Variants in IL36B observed in about 807,000 individuals in gnomAD.
IL36B encodes the protein interleukin 36 beta.
In IL36B, 23 loss-of-function variants were observed where a neutral mutation model predicts 19.3. The observed-to-expected ratio is 1.19, with a 90% CI of 0.86 to 1.69. The LOEUF is 1.69. IL36B is among the 40% of genes most tolerant of loss of function. The pLI is 0.00. For synonymous variants in IL36B, 59 were observed against 59.7 expected (o/e 0.99, Z 0.05); for missense variants, 217 against 200.5 (o/e 1.08, Z -0.50).
chr2:113,031,442 C>T (rs1338069974), intron 2 of IL36B, among the ~76,000 whole-genome samples: 1 of 151,946 alleles, frequency 6.6e-6, no homozygotes, highest in East Asian at 1.9e-4. Context: ...AAAAAAAACC[C>T]CATAATATTT....
chr2:113,046,465 C>T (rs1002782630), intron 1 of IL36B, among the ~76,000 whole-genome samples: 2 of 149,332 alleles, frequency 1.3e-5, no homozygotes, highest in Non-Finnish European at 3.0e-5. Flanking sequence ...CACCTCGGCC[C>T]CCAAAGTGTT....
At chr2:113,050,251 C>A (rs1487256756) in intron 1 of IL36B, among the ~76,000 whole-genome samples, 1 of 152,070 alleles carries the variant, frequency 6.6e-6, no homozygotes, top group Non-Finnish European at 1.5e-5. Flanking sequence ...GTGGTACACA[C>A]ACCACACAGC....
intron 1 of IL36B, among the ~76,000 whole-genome samples, chr2:113,040,954 G>C (rs1165879329): frequency 5.3e-5 from 8 of 152,096 alleles, no homozygotes; most frequent in Non-Finnish European, 1.0e-4. Flanking sequence ...TCAGGAGTTT[G>C]TGACCAGCTT....
chr2:113,047,423 T>G (rs371356046), intron 1 of IL36B, among the ~76,000 whole-genome samples: 48 of 152,222 alleles, frequency 3.2e-4, no homozygotes, highest in East Asian at 2.1e-3. Context: ...AGATTTTGAA[T>G]TTTGAGACTA....
intron 3 of IL36B, among the ~76,000 whole-genome samples, chr2:113,029,948 A>G (rs1056554189): frequency 2.0e-5 from 3 of 152,152 alleles, no homozygotes; most frequent in African/African-American, 7.2e-5. Context: ...GAAGGAGAAG[A>G]TGGGCCAGGT....
At chr2:113,032,133 CTGTGTGTGTGTGTGTG>C (rs56385654) in intron 1 of IL36B, among the ~76,000 whole-genome samples, 7 of 143,918 alleles carry the variant, frequency 4.9e-5, no homozygotes, top group East Asian at 2.0e-4. Context: ...GTGTGTGTGT[CTGTGTGTGTGTGTGTG>C]TGTGTGTGTG....
In IL36B at chr2:113,030,868, T is replaced by C. The variant is rs143967552; in HGVS notation, c.121+180A>G. Among the ~76,000 whole-genome samples, 174 of 152,296 alleles carry C rather than the reference T, an allele frequency of 1.1e-3. 2 individuals are homozygous for C. The highest frequency in any genetic ancestry group is 4.1e-3 in the African/African-American group (172 of 41,554). ...AACCCTTCACACCCTCATTTCTAGA[T>C]ATGGGATTTCCTTTGTGGAAGGGAA... On this transcript the variant is annotated intron_variant, in intron 3 of 5. Transcript: ENST00000259213.
chr2:113,029,687 C>A (rs1169150425), intron 3 of IL36B, among the ~76,000 whole-genome samples: 1 of 152,064 alleles, frequency 6.6e-6, no homozygotes, highest in Admixed American at 6.6e-5. Context: ...TCTGAGAGGA[C>A]CTCAAGAGGA....
intron 1 of IL36B, among the ~76,000 whole-genome samples, chr2:113,035,947 G>A (rs888241376): frequency 2.0e-5 from 3 of 151,982 alleles, no homozygotes; most frequent in African/African-American, 4.8e-5. Context: ...TGCACTTTTC[G>A]ATTCTTTTGT....
intron 1 of IL36B, among the ~76,000 whole-genome samples, chr2:113,036,199 G>T (rs568322754): frequency 6.6e-6 from 1 of 152,186 alleles, no homozygotes; most frequent in East Asian, 1.9e-4. Flanking sequence ...GCCTGCCTCT[G>T]CCTCCCAAAG....
chr2:113,023,201 C>T (rs149351802), intron 5 of IL36B, among the ~76,000 whole-genome samples: 12 of 152,180 alleles, frequency 7.9e-5, no homozygotes, highest in African/African-American at 2.9e-4. Context: ...ATAAGGATGG[C>T]CATATTTTCC....
At chr2:113,051,307 C>T (rs547910867) in intron 1 of IL36B, among the ~76,000 whole-genome samples, 3 of 152,340 alleles carry the variant, frequency 2.0e-5, no homozygotes, top group South Asian at 2.1e-4. Context: ...GAGGCACAGA[C>T]GAGGAAAGCG....
At chr2:113,031,799 G>C in intron 1 of IL36B, 33 bp from the exon 2 acceptor site, 558 of 909,702 alleles carry the variant, frequency 6.1e-4, no homozygotes, top group Non-Finnish European at 8.7e-4. Context: ...GAGAAGGAGA[G>C]AAGAAACATG....
At chr2:113,023,235 C>T (rs1357636478) in intron 5 of IL36B, among the ~76,000 whole-genome samples, 2 of 152,136 alleles carry the variant, frequency 1.3e-5, no homozygotes, top group Admixed American at 1.3e-4. Context: ...TACTATGTCC[C>T]CAGCACTTAG....
At chr2:113,024,045 A>G (rs1684908971) in intron 5 of IL36B, among the ~76,000 whole-genome samples, 1 of 152,176 alleles carries the variant, frequency 6.6e-6, no homozygotes, top group East Asian at 1.9e-4. Context: ...TTGAAGAGAA[A>G]GATGGGTGGA....
At chr2:113,036,884 C>T (rs927146345) in intron 1 of IL36B, among the ~76,000 whole-genome samples, 2 of 152,234 alleles carry the variant, frequency 1.3e-5, no homozygotes, top group African/African-American at 4.8e-5. Context: ...ACGGCACTGC[C>T]CTGTGTAGCC....
At position 113,022,585 on chromosome 2, in the gene IL36B, A is replaced by G. The variant is rs1573362460; in HGVS notation, c.*89T>C. Reference sequence around the variant, plus strand: ...TCTCCAGAACCCAAGAAAAGAGAAAAATTTCTGCAACTTATTCCATTTGTA... The same window carrying G: ...TCTCCAGAACCCAAGAAAAGAGAAAGATTTCTGCAACTTATTCCATTTGTA... On this transcript the variant is annotated 3_prime_UTR_variant, in exon 6 of 6. Coordinates refer to ENST00000259213, the MANE Select transcript of IL36B (RefSeq NM_014438.5). The G allele has an allele frequency of 1.2e-6, 1 of 857,540 alleles. No homozygotes were observed. The highest frequency in any genetic ancestry group is 2.5e-5 in the East Asian group (1 of 40,440). 53.1% of individuals were successfully genotyped at this position (857,540 alleles called of 1,614,324 possible).
At chr2:113,028,037 T>C (rs761909761) in intron 4 of IL36B, 2 of 1,614,170 alleles carry the variant, frequency 1.2e-6, no homozygotes, top group Admixed American at 3.3e-5. Context: ...AAGACAGAAG[T>C]GGAGCCTTCT....
Position 113,031,696 on chromosome 2 carries a change from C to G in IL36B, c.13+1G>C, listed in dbSNP as rs369233758. ...AAGCTGATTTGCAATTCACCACTTA[C>G]GTTGTGGGTTCATGATGTCTTCAGA... On this transcript the variant is annotated splice_donor_variant, in intron 2 of 5. Coordinates refer to ENST00000259213, the MANE Select transcript of IL36B (RefSeq NM_014438.5). LOFTEE classifies it high-confidence loss of function. 2 of 1,609,896 alleles carry G rather than the reference C, an allele frequency of 1.2e-6. No individual in the cohort carries two copies. The highest frequency in any genetic ancestry group is 3.3e-5 in the Admixed American group (2 of 59,974).
Sources: allele counts gnomAD v4.1 joint callset (sites outside exome capture counted in the v4.1 genomes callset), GRCh38; gene constraint gnomAD v4.1.1; transcripts MANE v1.5; gene names NCBI Gene and HGNC (gene_info 2026-07-23, HGNC 2026-07-21).